The following ATP8A1 variants were observed in gnomAD, a reference collection of about 807,000 sequenced individuals.
ATP8A1 encodes ATPase phospholipid transporting 8A1, also known as phospholipid-transporting ATPase IA.
A neutral mutation model predicts 177.7 loss-of-function variants in ATP8A1; 90 were observed. That is an observed-to-expected ratio of 0.51 (90% CI 0.43 to 0.60). ATP8A1 has a LOEUF of 0.60. Ranked by LOEUF, ATP8A1 falls within the 20% of genes least tolerant of loss-of-function variation. The pLI is 0.00. For missense variants in ATP8A1, 1,072 were observed against 1,392.8 expected (o/e 0.77, Z 3.67); for synonymous variants, 493 against 485.9 (o/e 1.01, Z -0.19).
rs1397792064 is a variant in ATP8A1, at chr4:42,535,027, C to T, written c.1722+8890G>A. ...AAGGAGTCTAAATCTGGAAACAAAT[C>T]CTTGAAATACACCAAAATAGAACTT... is the stretch of plus-strand genomic sequence containing the variant. On this transcript the variant is annotated intron_variant, in intron 20 of 36. Transcript: ENST00000381668. Among the ~76,000 whole-genome samples, 4 of 151,988 alleles carry T rather than the reference C, an allele frequency of 2.6e-5. No homozygotes were observed. In the South Asian group the frequency reaches 8.3e-4, roughly 32 times the overall value.
intron 7 of ATP8A1, among the ~76,000 whole-genome samples, chr4:42,590,271 G>T (rs1312232577): frequency 6.6e-6 from 1 of 152,132 alleles, no homozygotes; most frequent in Non-Finnish European, 1.5e-5. Flanking sequence ...AAAGCATGCG[G>T]TACAAAATGT....
chr4:42,586,877 T>C (rs1183427293), intron 8 of ATP8A1, among the ~76,000 whole-genome samples: 1 of 152,338 alleles, frequency 6.6e-6, no homozygotes, highest in Non-Finnish European at 1.5e-5. Flanking sequence ...GCTTTGTTTC[T>C]CTTTTTTTAT....
chr4:42,438,139 G>C (rs2153172970), intron 33 of ATP8A1, among the ~76,000 whole-genome samples: 1 of 152,312 alleles, frequency 6.6e-6, no homozygotes, highest in South Asian at 2.1e-4. Flanking sequence ...AATGGAAAAG[G>C]AACAGACAGG....
At chr4:42,591,450 A>G (rs548178535) in intron 6 of ATP8A1, among the ~76,000 whole-genome samples, 14 of 152,286 alleles carry the variant, frequency 9.2e-5, no homozygotes, top group Non-Finnish European at 1.6e-4. Flanking sequence ...CAAAGAAGTC[A>G]GCTTTGCATT....
Position 42,480,904 on chromosome 4 carries a change from C to T in ATP8A1, c.2324+4592G>A, listed in dbSNP as rs551167791. Among the ~76,000 whole-genome samples the T allele has an allele frequency of 7.6e-4, 116 of 152,272 alleles. 1 individual carries two copies. In the South Asian group the frequency reaches 8.7e-3, roughly 11 times the overall value. On this transcript the variant is annotated intron_variant, in intron 25 of 36. Coordinates refer to ENST00000381668, the MANE Select transcript of ATP8A1 (RefSeq NM_006095.2). ...TTTTGCTTTTCAGAAGACATGAGTA[C>T]ATAAATTATGTAGAACGATGATTAC...
chr4:42,613,762 TTAG>T (rs1736614879), intron 5 of ATP8A1, among the ~76,000 whole-genome samples: 1 of 152,054 alleles, frequency 6.6e-6, no homozygotes, highest in African/African-American at 2.4e-5. Flanking sequence ...TTTTGTATTT[TTAG>T]TAGAGATGGG....
chr4:42,597,520 A>G (rs765507298), intron 6 of ATP8A1, among the ~76,000 whole-genome samples: 6 of 152,146 alleles, frequency 3.9e-5, no homozygotes, highest in Non-Finnish European at 7.3e-5. Flanking sequence ...CTCAATAAAC[A>G]CTTGTCGAAT....
intron 24 of ATP8A1, among the ~76,000 whole-genome samples, chr4:42,501,631 C>T (rs865793188): frequency 3.9e-5 from 6 of 152,198 alleles, no homozygotes; most frequent in African/African-American, 7.2e-5. Context: ...AGATTGGATG[C>T]GTTCCATTTC....
chr4:42,650,314 T>C (rs1160850891), intron 1 of ATP8A1, among the ~76,000 whole-genome samples: 1 of 152,234 alleles, frequency 6.6e-6, no homozygotes, highest in Non-Finnish European at 1.5e-5. Flanking sequence ...TGTATCGCTA[T>C]ACTCATACAC....
chr4:42,562,172 T>C (rs968484755), intron 15 of ATP8A1: 1 of 152,230 alleles, frequency 6.6e-6, no homozygotes, highest in Non-Finnish European at 1.5e-5. Context: ...CACATGCCAT[T>C]GACACATGCT....
At chr4:42,560,432 CCTAT>C (rs1371298330) in intron 15 of ATP8A1, among the ~76,000 whole-genome samples, 2 of 151,858 alleles carry the variant, frequency 1.3e-5, no homozygotes, top group African/African-American at 2.4e-5. Flanking sequence ...AAATAAACAC[CCTAT>C]CTATACACTA....
At chr4:42,609,276 A>T (rs10028463) in intron 5 of ATP8A1, among the ~76,000 whole-genome samples, 34,218 of 152,098 alleles carry the variant, frequency 0.22, 4,342 homozygotes, top group Non-Finnish European at 0.29. Context: ...GAGTCCCAGC[A>T]ATCTGTGTTT....
intron 19 of ATP8A1, among the ~76,000 whole-genome samples, chr4:42,546,174 C>T (rs1728895311): frequency 6.6e-6 from 1 of 151,988 alleles, no homozygotes; most frequent in African/African-American, 2.4e-5. Flanking sequence ...TGCTGTTCTC[C>T]CCAGAATCTG....
At chr4:42,421,947 A>AG (rs756801084) in intron 35 of ATP8A1, among the ~76,000 whole-genome samples, 42 of 149,230 alleles carry the variant, frequency 2.8e-4, no homozygotes, top group Non-Finnish European at 5.1e-4. Flanking sequence ...TTTTTTTTGG[A>AG]GGGGGTGGTG....
chr4:42,620,987 C>T (rs1183053959), intron 4 of ATP8A1, among the ~76,000 whole-genome samples: 1 of 152,102 alleles, frequency 6.6e-6, no homozygotes, highest in African/African-American at 2.4e-5. Flanking sequence ...AGCATGATGC[C>T]TAGTAAATTA....
intron 25 of ATP8A1, among the ~76,000 whole-genome samples, chr4:42,470,139 A>C (rs1720231302): frequency 1.3e-5 from 2 of 152,218 alleles, no homozygotes; most frequent in Admixed American, 1.3e-4. Flanking sequence ...CTACGTATCC[A>C]ATGTGTACTG....
chr4:42,520,916 C>T (rs995020523), intron 22 of ATP8A1, among the ~76,000 whole-genome samples: 4 of 152,114 alleles, frequency 2.6e-5, no homozygotes, highest in Non-Finnish European at 4.4e-5. Context: ...ACCAATATCT[C>T]GAGTTGCATA....
intron 33 of ATP8A1, among the ~76,000 whole-genome samples, chr4:42,433,154 C>T (rs1242603543): frequency 6.6e-6 from 1 of 152,182 alleles, no homozygotes; most frequent in Non-Finnish European, 1.5e-5. Flanking sequence ...CTTGGTAACA[C>T]CACACTTGCT....
chr4:42,635,810 T>TATATAGATAC (rs1305090729), intron 1 of ATP8A1, among the ~76,000 whole-genome samples: 1 of 103,896 alleles, frequency 9.6e-6, no homozygotes, highest in African/African-American at 5.2e-5. Flanking sequence ...TATATATATA[T>TATATAGATAC]ACACATGTAT....
Sources: allele counts gnomAD v4.1 joint callset (sites outside exome capture counted in the v4.1 genomes callset), GRCh38; gene constraint gnomAD v4.1.1; transcripts MANE v1.5; gene names NCBI Gene and HGNC (gene_info 2026-07-23, HGNC 2026-07-21).